ANAPC15: variants seen among roughly 807,000 people sequenced by gnomAD.
ANAPC15 encodes the protein anaphase promoting complex subunit 15.
Under a neutral mutation model 19.8 loss-of-function variants are expected in ANAPC15, and 13 were observed. That is an observed-to-expected ratio of 0.66 (90% CI 0.43 to 1.04). The LOEUF is 1.04. ANAPC15 is among the 50% of genes least tolerant of loss of function. ANAPC15 has a pLI of 0.00. For synonymous variants in ANAPC15, 45 were observed against 50.7 expected, an observed-to-expected ratio of 0.89 and a Z score of 0.47; for missense variants, 88 against 150.3, an observed-to-expected ratio of 0.59 and a Z score of 2.17.
Position 72,112,658 on chromosome 11 carries a change from G to A in ANAPC15, c.-104C>T, listed in dbSNP as rs762208235. On this transcript the variant is annotated 5_prime_UTR_variant, in exon 1 of 6. Transcript: ENST00000227618. ...CTTGCGTCTGTACTTACCGCGCCGG[G>A]AGGCTGCTGCCGGCGGCGACCCGGA... The A allele has an allele frequency of 2.2e-6, 1 of 456,724 alleles. No individual in the cohort carries two copies. The highest frequency in any genetic ancestry group is 4.4e-6 in the Non-Finnish European group (1 of 226,958). The allele number at this position is 456,724 out of a possible 1,614,324, so 28.3% of individuals were successfully genotyped here.
At chr11:72,111,943 C>G (rs188657504) in intron 1 of ANAPC15, 1 of 152,906 alleles carries the variant, frequency 6.5e-6, no homozygotes, top group Admixed American at 6.5e-5. Flanking sequence ...GTACAATCAG[C>G]TTTGAGCGGC....
At chr11:72,106,798 A>C (rs1945726707), downstream of ANAPC15, 1 of 152,248 alleles carries the variant, frequency 6.6e-6, no homozygotes, top group South Asian at 2.1e-4. Flanking sequence ...AAAATTACCC[A>C]GGCATGGTGG....
At chr11:72,108,651 G>C (rs1213122608), downstream of ANAPC15, 5 of 1,512,246 alleles carry the variant, frequency 3.3e-6, no homozygotes, top group Non-Finnish European at 4.4e-6. Context: ...CCGTGCCTAC[G>C]CACCCAGTAT....
downstream of ANAPC15, among the ~76,000 whole-genome samples, chr11:72,108,306 G>A (rs1433611060): frequency 2.0e-5 from 3 of 152,176 alleles, no homozygotes; most frequent in Non-Finnish European, 4.4e-5. Context: ...GCCGGATGAC[G>A]AAAGAAACAG....
chr11:72,108,941 G>T (rs2135217464), downstream of ANAPC15: 1 of 1,495,930 alleles, frequency 6.7e-7, no homozygotes, highest in Non-Finnish European at 9.0e-7. Context: ...AGGCCCAGGG[G>T]TACTTACTGA....
Position 72,111,138 on chromosome 11 carries a change from G to A in ANAPC15, c.120+19C>T, listed in dbSNP as rs1410727485. ...CTGTCTGTGCTGAGGTCTCTGTGCT[G>A]TGCTAGCTGCTCACTCACCCAGGCC... On this transcript the variant is annotated intron_variant, in intron 3 of 5. Coordinates refer to ENST00000227618, the MANE Select transcript of ANAPC15 (RefSeq NM_014042.3). The A allele has an allele frequency of 1.3e-5, 18 of 1,364,226 alleles. No individual in the cohort carries two copies. The highest frequency in any genetic ancestry group is 2.5e-5 in the South Asian group (2 of 79,974). The allele number at this position is 1,364,226 out of a possible 1,614,324, so 84.5% of individuals were successfully genotyped here.
At chr11:72,108,685 GCT>G, downstream of ANAPC15, 4 of 1,543,134 alleles carry the variant, frequency 2.6e-6, no homozygotes, top group Non-Finnish European at 3.5e-6. Flanking sequence ...CAGACCTGGT[GCT>G]CCTGGCACAC....
chr11:72,107,993 A>G (rs1945869304), downstream of ANAPC15: 1 of 1,551,538 alleles, frequency 6.4e-7, no homozygotes, highest in Non-Finnish European at 8.7e-7. Context: ...CCTACTGTGG[A>G]TACTCTACCC....
chr11:72,108,631 G>A (rs1459097573), downstream of ANAPC15: 2 of 1,492,140 alleles, frequency 1.3e-6, no homozygotes, highest in Non-Finnish European at 9.0e-7. Flanking sequence ...GCAGCTCAGA[G>A]GACGTGATCC....
rs1296704860 is a variant in ANAPC15 at position 72,110,200 on chromosome 11, T to C, written c.206A>G (p.Asp69Gly). ...TTCACTATCCTCATCATCTTCATCA[T>C]CCTCTTCTTCCTCGTCATCATAGTG... ...SEHYDDEEEE[D>G]DEDDEDSEED... The change falls in exon 5 of 6, where the codon GAT becomes GGT. Residue 69 changes from aspartate to glycine, a missense_variant. Physicochemically the swap from Asp to Gly is moderately conservative, Grantham distance 94. Coordinates refer to ENST00000227618, the MANE Select transcript of ANAPC15 (RefSeq NM_014042.3). 6.2e-7 allele frequency: 1 copy of C among 1,614,022 alleles called. No individual in the cohort carries two copies. The highest frequency in any genetic ancestry group is 8.5e-7 in the Non-Finnish European group (1 of 1,180,016).
At chr11:72,109,112 G>A (rs1047263308), downstream of ANAPC15, 2 of 601,764 alleles carry the variant, frequency 3.3e-6, no homozygotes, top group Non-Finnish European at 5.8e-6. Flanking sequence ...CTATCAGGCT[G>A]CTTGGTCTCA....
chr11:72,111,029 C>A, intron 3 of ANAPC15, 128 bp downstream of exon 3: 1 of 713,414 alleles, frequency 1.4e-6, no homozygotes, highest in South Asian at 1.8e-5. Context: ...GCTCCCAGCC[C>A]GATTATTCCC....
At chr11:72,108,562 C>A (rs773132434), downstream of ANAPC15, 17 of 1,419,136 alleles carry the variant, frequency 1.2e-5, no homozygotes, top group African/African-American at 2.3e-4. Flanking sequence ...ACTGGGAGAA[C>A]AATTCCCCCC....
chr11:72,108,068 G>A (rs772573727), downstream of ANAPC15: 92 of 1,541,918 alleles, frequency 6.0e-5, no homozygotes, highest in African/African-American at 4.5e-4. Flanking sequence ...ACCCACGCAC[G>A]GCAGCAGTGG....
At chr11:72,109,143 G>T, downstream of ANAPC15, 1 of 565,702 alleles carries the variant, frequency 1.8e-6, no homozygotes, top group Non-Finnish European at 3.2e-6. Flanking sequence ...TCTTTCCAGA[G>T]AGAACCATGG....
rs1946831764 is a variant in ANAPC15 at position 72,111,261 on chromosome 11, G to C, written c.16C>G (p.Pro6Ala). The C allele has an allele frequency of 6.2e-7, 1 of 1,613,250 alleles. No homozygotes were observed. The highest frequency in any genetic ancestry group is 1.3e-5 in the African/African-American group (1 of 74,920). ...TCAGTCACACGAGGGAAGAGTGAGGGGAACAAAGTGGACATGGCTCCTAGA... is the reference window on the plus strand; with the variant it reads ...TCAGTCACACGAGGGAAGAGTGAGGCGAACAAAGTGGACATGGCTCCTAGA... MSTLF[P>A]SLFPRVTETL... The change falls in exon 3 of 6, where the codon CCC becomes GCC. Residue 6 changes from proline (P) to alanine (A), a missense_variant. Pro to Ala is a conservative substitution (Grantham distance 27). Transcript: ENST00000227618.
downstream of ANAPC15, chr11:72,107,420 G>C: frequency 1.4e-6 from 1 of 701,410 alleles, no homozygotes; most frequent in South Asian, 1.5e-5. Flanking sequence ...TGGAGAAAGA[G>C]CAACATTTGA....
downstream of ANAPC15, chr11:72,108,800 C>G: frequency 6.4e-7 from 1 of 1,550,522 alleles, no homozygotes; most frequent in Non-Finnish European, 8.7e-7. Flanking sequence ...CCCTGGTGCA[C>G]CCCGCTTCTT....
chr11:72,108,491 C>T (rs578197244), downstream of ANAPC15: 572 of 860,874 alleles, frequency 6.6e-4, 1 homozygote, highest in South Asian at 3.2e-3. Flanking sequence ...AATGTGAGAA[C>T]ACTCATGGGA....
Sources: gnomAD v4.1 joint callset for allele counts (sites outside exome capture counted in the v4.1 genomes callset) on GRCh38, gnomAD v4.1.1 for gene constraint, MANE v1.5 for transcripts, NCBI Gene and HGNC (gene_info 2026-07-23, HGNC 2026-07-21) for gene names.